Variants in CSMD3 observed in about 807,000 individuals in gnomAD.
The protein encoded by CSMD3 is CUB and sushi domain-containing protein 3.
A neutral mutation model predicts 435.2 loss-of-function variants in CSMD3; 177 were observed. The ratio of observed to expected loss-of-function variants is 0.41; its 90% CI spans 0.36 to 0.46. The LOEUF is 0.46. Ranked by LOEUF, CSMD3 falls within the 20% of genes least tolerant of loss-of-function variation. The probability of loss-of-function intolerance (pLI) is 0.34; values close to 1 mark genes in which losing one functional copy is unlikely to be tolerated. For missense variants in CSMD3, 4,265 were observed against 4,504.6 expected, an observed-to-expected ratio of 0.95 and a Z score of 1.52; for synonymous variants, 1,656 against 1,520.5, an observed-to-expected ratio of 1.09 and a Z score of -2.07.
intron 47 of CSMD3, among the ~76,000 whole-genome samples, chr8:112,317,423 T>C (rs906975552): frequency 6.6e-6 from 1 of 152,042 alleles, no homozygotes; most frequent in Non-Finnish European, 1.5e-5. Flanking sequence ...TGTTATGTAA[T>C]TGGCTCATTG....
At chr8:112,427,970 C>T (rs760665233) in intron 32 of CSMD3, among the ~76,000 whole-genome samples, 2 of 152,136 alleles carry the variant, frequency 1.3e-5, no homozygotes, top group Non-Finnish European at 2.9e-5. Flanking sequence ...GATCATGTCA[C>T]TTCCCTATAT....
At chr8:112,510,734 G>C (rs1823033044) in intron 28 of CSMD3, among the ~76,000 whole-genome samples, 1 of 152,092 alleles carries the variant, frequency 6.6e-6, no homozygotes, top group Non-Finnish European at 1.5e-5. Flanking sequence ...TTCTTTGACT[G>C]TATTGACTGT....
At chr8:113,044,221 C>T (rs2087738374) in intron 5 of CSMD3, among the ~76,000 whole-genome samples, 1 of 152,046 alleles carries the variant, frequency 6.6e-6, no homozygotes, top group Non-Finnish European at 1.5e-5. Flanking sequence ...GGAAGTTTTA[C>T]AAGCACAAGA....
intron 4 of CSMD3, among the ~76,000 whole-genome samples, chr8:113,116,372 G>A (rs1057131123): frequency 9.2e-5 from 14 of 152,184 alleles, no homozygotes; most frequent in African/African-American, 1.7e-4. Flanking sequence ...CCTTTCTTCC[G>A]CCATGTGAAG....
intron 12 of CSMD3, among the ~76,000 whole-genome samples, chr8:112,810,959 A>G (rs994863372): frequency 1.3e-5 from 2 of 152,082 alleles, no homozygotes; most frequent in Non-Finnish European, 1.5e-5. Context: ...TTATAAAATT[A>G]ATGGATGATG....
intron 3 of CSMD3, among the ~76,000 whole-genome samples, chr8:113,274,425 C>T (rs2093554030): frequency 6.6e-6 from 1 of 152,038 alleles, no homozygotes. Context: ...CTTTGGTAAA[C>T]AATTTCTTAC....
intron 13 of CSMD3, among the ~76,000 whole-genome samples, chr8:112,747,973 A>AC (rs2077477567): frequency 6.6e-6 from 1 of 151,572 alleles, no homozygotes; most frequent in Non-Finnish European, 1.5e-5. Context: ...AAAAAAAAAA[A>AC]AAAAAAAAAA....
chr8:112,501,325 C>T (rs1378342602), intron 30 of CSMD3, among the ~76,000 whole-genome samples: 4 of 148,698 alleles, frequency 2.7e-5, no homozygotes, highest in African/African-American at 7.5e-5. Context: ...ACTCGGGAGG[C>T]GGAGGTTGCA....
At chr8:112,835,899 A>G (rs2080009214) in intron 11 of CSMD3, among the ~76,000 whole-genome samples, 1 of 151,902 alleles carries the variant, frequency 6.6e-6, no homozygotes, top group Non-Finnish European at 1.5e-5. Context: ...TAGAGAAATC[A>G]GTATTCACTA....
chr8:112,732,712 A>AG (rs2077101786), intron 13 of CSMD3, among the ~76,000 whole-genome samples: 1 of 151,746 alleles, frequency 6.6e-6, no homozygotes, highest in South Asian at 2.1e-4. Flanking sequence ...AAAAAAAAAA[A>AG]AAAAGAAAAA....
intron 5 of CSMD3, among the ~76,000 whole-genome samples, chr8:113,086,713 T>C (rs987288912): frequency 1.4e-4 from 22 of 152,148 alleles, no homozygotes; most frequent in African/African-American, 4.6e-4. Flanking sequence ...ATTGAAAGAA[T>C]AGGGGTTTAT....
intron 22 of CSMD3, among the ~76,000 whole-genome samples, chr8:112,607,785 A>G (rs1355919811): frequency 6.6e-6 from 1 of 152,180 alleles, no homozygotes; most frequent in Non-Finnish European, 1.5e-5. Flanking sequence ...TTTCCAAAAG[A>G]TGAGGTAATA....
At chr8:112,368,839 T>G (rs531983846) in intron 38 of CSMD3, among the ~76,000 whole-genome samples, 1 of 152,226 alleles carries the variant, frequency 6.6e-6, no homozygotes, top group South Asian at 2.1e-4. Flanking sequence ...ATTTGTAAAA[T>G]AGGGTTAAAA....
chr8:112,351,151 AT>A, intron 40 of CSMD3, 23 bp downstream of exon 40: 1 of 1,384,306 alleles, frequency 7.2e-7, no homozygotes, highest in South Asian at 1.2e-5. Context: ...TCTAGGGTAA[AT>A]ACTTTATAGT....
chr8:112,244,354 C>A (rs754584221), intron 65 of CSMD3, 40 bp downstream of exon 65: 1 of 1,498,740 alleles, frequency 6.7e-7, no homozygotes, highest in Non-Finnish European at 9.3e-7. Flanking sequence ...AGCAATAGTG[C>A]AATCTCTTGT....
chr8:112,435,603 T>G (rs1283922329), intron 32 of CSMD3, among the ~76,000 whole-genome samples: 1 of 152,074 alleles, frequency 6.6e-6, no homozygotes, highest in Non-Finnish European at 1.5e-5. Flanking sequence ...TGGAAACTAA[T>G]GAACTTGGGT....
chr8:113,032,483 A>G (rs1306640565), intron 5 of CSMD3, among the ~76,000 whole-genome samples: 1 of 151,478 alleles, frequency 6.6e-6, no homozygotes. Flanking sequence ...CTTGAGAGAG[A>G]TGATTTAGGG....
intron 13 of CSMD3, among the ~76,000 whole-genome samples, chr8:112,724,147 T>C (rs1202765175): frequency 6.6e-6 from 1 of 151,832 alleles, no homozygotes; most frequent in Non-Finnish European, 1.5e-5. Context: ...CAATTTTTAT[T>C]ATAGTGAGTA....
chr8:112,656,641 A>G (rs2075265278), intron 17 of CSMD3, among the ~76,000 whole-genome samples: 1 of 152,016 alleles, frequency 6.6e-6, no homozygotes. Context: ...ATATTTTTGG[A>G]ATTATCTTTG....
Sources: allele counts gnomAD v4.1 joint callset (sites outside exome capture counted in the v4.1 genomes callset), GRCh38; gene constraint gnomAD v4.1.1; transcripts MANE v1.5; gene names NCBI Gene and HGNC (gene_info 2026-07-23, HGNC 2026-07-21).